Variants in ZFHX3 observed in about 807,000 individuals in gnomAD.
ZFHX3 encodes zinc finger homeobox protein 3.
ZFHX3 carries 42 observed loss-of-function variants against 279.1 expected under a neutral mutation model. The ratio of observed to expected loss-of-function variants is 0.15; its 90% CI spans 0.12 to 0.19. ZFHX3 has a LOEUF of 0.19. Ranked by LOEUF, ZFHX3 falls within the 10% of genes least tolerant of loss-of-function variation. The pLI, the probability that ZFHX3 is intolerant of heterozygous loss-of-function variation, is 1.00. For synonymous variants in ZFHX3, 2,293 were observed against 1,957.8 expected (o/e 1.17, Z -4.52); for missense variants, 4,981 against 4,754.0 (o/e 1.05, Z -1.40).
chr16:73,118,344 G>A (rs946436296), intron 7 of ZFHX3, among the ~76,000 whole-genome samples: 3 of 152,148 alleles, frequency 2.0e-5, no homozygotes, highest in Non-Finnish European at 4.4e-5. Flanking sequence ...GAATAGCTGG[G>A]ATTATAGATG....
intron 1 of ZFHX3, among the ~76,000 whole-genome samples, chr16:73,755,886 A>G (rs541619364): frequency 6.6e-6 from 1 of 152,288 alleles, no homozygotes; most frequent in East Asian, 1.9e-4. Flanking sequence ...TGATGGTGGA[A>G]CTTGTCATCA....
At chr16:73,524,145 CT>C (rs2019653499) in intron 2 of ZFHX3, among the ~76,000 whole-genome samples, 1 of 152,122 alleles carries the variant, frequency 6.6e-6, no homozygotes, top group African/African-American at 2.4e-5. Flanking sequence ...CAGCTGATTC[CT>C]TCCACCAGCC....
At chr16:73,356,757 C>T (rs1036052548) in intron 3 of ZFHX3, among the ~76,000 whole-genome samples, 1 of 151,740 alleles carries the variant, frequency 6.6e-6, no homozygotes, top group Non-Finnish European at 1.5e-5. Context: ...AGATTTTGTT[C>T]GGTTTCACTC....
chr16:72,988,831 C>A (rs1397492911), intron 1 of ZFHX3, among the ~76,000 whole-genome samples: 1 of 152,160 alleles, frequency 6.6e-6, no homozygotes, highest in Non-Finnish European at 1.5e-5. Flanking sequence ...TTACTGACTG[C>A]ATTTTTTAAT....
intron 4 of ZFHX3, among the ~76,000 whole-genome samples, chr16:73,290,561 T>C (rs2014742821): frequency 6.6e-6 from 1 of 152,036 alleles, no homozygotes; most frequent in South Asian, 2.1e-4. Context: ...CCAGAAGGAA[T>C]AGAGGTGGAC....
chr16:73,203,732 G>A (rs1342588314), intron 5 of ZFHX3, among the ~76,000 whole-genome samples: 2 of 152,180 alleles, frequency 1.3e-5, no homozygotes, highest in East Asian at 1.9e-4. Flanking sequence ...AACACTTACT[G>A]AGCACTTACT....
chr16:73,516,861 G>A (rs1032191829), intron 2 of ZFHX3, among the ~76,000 whole-genome samples: 1 of 152,146 alleles, frequency 6.6e-6, no homozygotes, highest in African/African-American at 2.4e-5. Context: ...TCCCCACCGT[G>A]GGGCTCATCT....
intron 2 of ZFHX3, among the ~76,000 whole-genome samples, chr16:73,562,436 A>C (rs2020384448): frequency 6.6e-6 from 1 of 152,090 alleles, no homozygotes; most frequent in Admixed American, 6.5e-5. Context: ...TCTACTAAAA[A>C]TACATAAAAA....
intron 5 of ZFHX3, among the ~76,000 whole-genome samples, chr16:73,235,180 C>T (rs1567425885): frequency 6.6e-6 from 1 of 152,138 alleles, no homozygotes; most frequent in Non-Finnish European, 1.5e-5. Flanking sequence ...AGCAATTCTC[C>T]TGCCTCAGCC....
chr16:73,539,350 C>T (rs1887008875), intron 2 of ZFHX3, among the ~76,000 whole-genome samples: 1 of 151,750 alleles, frequency 6.6e-6, no homozygotes, highest in East Asian at 1.9e-4. Flanking sequence ...CTGCAAGCCC[C>T]CAACCCCCTG....
At position 73,246,312 on chromosome 16, in the gene ZFHX3, C is replaced by T. The variant is rs140709453; in HGVS notation, c.-1104+10735G>A. 3.3e-3 allele frequency among the ~76,000 whole-genome samples: 503 copies of T among 152,220 alleles called. 1 individual carries two copies. Among genetic ancestry groups the T allele is most frequent in the African/African-American group, 0.011 (442 of 41,524 alleles). On this transcript the variant is annotated intron_variant, in intron 5 of 17. Coordinates refer to the ZFHX3 transcript ENST00000641206. ...CTAGCTCTTCCCTCCTGGCCAGGAG[C>T]TTGGGAGAATGAGGCTTGGCCAATG... is the stretch of plus-strand genomic sequence containing the variant.
chr16:73,655,827 C>A (rs997927812), intron 2 of ZFHX3, among the ~76,000 whole-genome samples: 9 of 152,152 alleles, frequency 5.9e-5, no homozygotes, highest in Admixed American at 2.0e-4. Context: ...CTGAAGATGT[C>A]ATGACTTCTT....
intron 2 of ZFHX3, chr16:73,500,050 T>C (rs1195300603): frequency 6.6e-6 from 1 of 152,272 alleles, no homozygotes; most frequent in Non-Finnish European, 1.5e-5. Flanking sequence ...GTATTTACTA[T>C]AACTTGTGTC....
At chr16:73,318,090 G>C (rs2015494456) in intron 4 of ZFHX3, 1 of 152,228 alleles carries the variant, frequency 6.6e-6, no homozygotes, top group Non-Finnish European at 1.5e-5. Flanking sequence ...TTGCCAGGTA[G>C]ACTTGAGTGT....
intron 2 of ZFHX3, among the ~76,000 whole-genome samples, chr16:73,662,391 T>G (rs1277307111): frequency 1.3e-5 from 2 of 152,194 alleles, no homozygotes; most frequent in Non-Finnish European, 2.9e-5. Flanking sequence ...CCCTTATTTC[T>G]CATTAGATGG....
At chr16:73,672,847 TATACCCAA>T (rs1257330698) in intron 2 of ZFHX3, among the ~76,000 whole-genome samples, 4 of 152,176 alleles carry the variant, frequency 2.6e-5, no homozygotes, top group African/African-American at 9.6e-5. Context: ...CTGGGAGAAC[TATACCCAA>T]ATATTCAAAG....
intron 1 of ZFHX3, among the ~76,000 whole-genome samples, chr16:73,862,693 C>T (rs927919699): frequency 2.0e-5 from 3 of 151,680 alleles, no homozygotes; most frequent in African/African-American, 7.3e-5. Flanking sequence ...GGGAGGATCA[C>T]TTGAGCCCAG....
chr16:73,364,777 C>A (rs1015802572), intron 3 of ZFHX3, among the ~76,000 whole-genome samples: 2 of 152,196 alleles, frequency 1.3e-5, no homozygotes, highest in African/African-American at 4.8e-5. Context: ...CTCCCTTTGT[C>A]TCCCATCTCA....
chr16:73,841,095 G>A (rs574388477), intron 1 of ZFHX3, among the ~76,000 whole-genome samples: 183 of 152,216 alleles, frequency 1.2e-3, no homozygotes, highest in African/African-American at 4.2e-3. Flanking sequence ...AAATCCAAGC[G>A]GAGAAAAGTC....
Sources: allele counts gnomAD v4.1 joint callset (sites outside exome capture counted in the v4.1 genomes callset), GRCh38; gene constraint gnomAD v4.1.1; transcripts MANE v1.5; gene names NCBI Gene and HGNC (gene_info 2026-07-23, HGNC 2026-07-21).